The following CACNA1B variants were observed in gnomAD, a reference collection of about 807,000 sequenced individuals.
CACNA1B encodes the protein voltage-dependent N-type calcium channel subunit alpha-1B.
In CACNA1B, 70 loss-of-function variants were observed where a neutral mutation model predicts 247.2. The ratio of observed to expected loss-of-function variants is 0.28; its 90% CI spans 0.23 to 0.35. The LOEUF (loss-of-function observed/expected upper bound fraction) is 0.35, where lower values mean the gene tolerates loss of function less well. Among genes scored for constraint, CACNA1B ranks in the 10% least tolerant of loss-of-function variants. The pLI is 1.00. For missense variants in CACNA1B, 2,367 were observed against 3,197.4 expected, an observed-to-expected ratio of 0.74 and a Z score of 6.26; for synonymous variants, 1,231 against 1,294.4, an observed-to-expected ratio of 0.95 and a Z score of 1.05.
rs1958177715 is a variant in CACNA1B, at chr9:137,973,241, T to A, written c.1543+1649T>A. 6.6e-6 allele frequency among the ~76,000 whole-genome samples: 1 copy of A among 152,190 alleles called. No individual in the cohort carries two copies. Among genetic ancestry groups the A allele is most frequent in the Non-Finnish European group, 1.5e-5 (1 of 68,032 alleles). On this transcript the variant is annotated intron_variant, in intron 11 of 46. Coordinates refer to ENST00000371372, the MANE Select transcript of CACNA1B (RefSeq NM_000718.4). The surrounding 1 kb of genome is among the most constrained non-coding windows in gnomAD (Gnocchi z 4.1). Reference sequence around the variant, plus strand: ...CTTCTCTGTGGTTTCCTGGAGTTCCTGGCTTCATTGTGTCACTGAGGGAAA... The same window carrying A: ...CTTCTCTGTGGTTTCCTGGAGTTCCAGGCTTCATTGTGTCACTGAGGGAAA...
rs201072373 is a variant in CACNA1B, at chr9:137,914,620, C to T, written c.623-34C>T. On this transcript the variant is annotated intron_variant, in intron 4 of 46. Coordinates refer to ENST00000371372, the MANE Select transcript of CACNA1B (RefSeq NM_000718.4). The surrounding 1 kb of genome is among the most constrained non-coding windows in gnomAD (Gnocchi z 4.3). The stretch of plus-strand genomic sequence containing the variant: ...CAAATTCCTTGCCCTACCCTGCCCA[C>T]GTTGCTTCCTGACCTGCCCTGTTCT... 2.1e-5 allele frequency: 33 copies of T among 1,602,014 alleles called. No individual in the cohort carries two copies. Among genetic ancestry groups the T allele is most frequent in the Middle Eastern group, 1.7e-4 (1 of 6,002 alleles).
intron 20 of CACNA1B, among the ~76,000 whole-genome samples, chr9:138,035,461 CAAA>C (rs1174010067): frequency 6.7e-6 from 1 of 149,750 alleles, no homozygotes; most frequent in Non-Finnish European, 1.5e-5. Flanking sequence ...GAGACTGTCT[CAAA>C]AAAAAAGAAA....
Position 137,986,264 on chromosome 9 carries a change from G to A in CACNA1B, c.1770-149G>A, listed in dbSNP as rs1371552077. ...GAGAGAAGTCCAGGGTAGTGGGCCT[G>A]AAACTCCAGAGAAAAGCTCTAACTT... On this transcript the variant is annotated intron_variant, in intron 13 of 46. Transcript: ENST00000371372. The surrounding 1 kb of genome is among the most constrained non-coding windows in gnomAD (Gnocchi z 6.0). The A allele has an allele frequency of 4.6e-6, 4 of 860,526 alleles. No individual in the cohort carries two copies. Among genetic ancestry groups the A allele is most frequent in the Admixed American group, 2.7e-5 (1 of 36,486 alleles). 53.3% of individuals were successfully genotyped at this position (860,526 alleles called of 1,614,324 possible).
In CACNA1B at chr9:138,050,623, G is replaced by A. The variant is rs760374331; in HGVS notation, c.3710+1308G>A. On this transcript the variant is annotated intron_variant, in intron 24 of 46. Transcript: ENST00000371372. This position sits in a 1 kb window ranked among gnomAD's most constrained non-coding sequence, Gnocchi z 5.2. The stretch of plus-strand genomic sequence containing the variant: ...CAGGGGTCCCCCAGTCAGGAGGAGG[G>A]GAAGGGGTTGGGCCCATCCAGGCGG... Among the ~76,000 whole-genome samples the A allele has an allele frequency of 3.2e-4, 49 of 152,238 alleles. No homozygotes were observed. Among genetic ancestry groups the A allele is most frequent in the Non-Finnish European group, 5.4e-4 (37 of 68,034 alleles).
chr9:138,075,638 A>G (rs1371155043), intron 34 of CACNA1B, among the ~76,000 whole-genome samples, 181 bp from the exon 35 acceptor site: 1 of 152,172 alleles, frequency 6.6e-6, no homozygotes, highest in East Asian at 1.9e-4. Flanking sequence ...GTAGCTACGG[A>G]GAGGGCGTCT....
At chr9:137,988,766 C>G (rs1391004337) in intron 15 of CACNA1B, among the ~76,000 whole-genome samples, 2 of 152,054 alleles carry the variant, frequency 1.3e-5, no homozygotes, top group East Asian at 3.9e-4. Flanking sequence ...GGCTCAGCCC[C>G]CTCTGAGCAC....
chr9:137,892,020 C>T (rs1421628468), intron 3 of CACNA1B: 2 of 457,188 alleles, frequency 4.4e-6, no homozygotes, highest in Non-Finnish European at 4.4e-6. Flanking sequence ...CCTCCTCACT[C>T]AGTGTGCGGC....
rs375412976 is a variant in CACNA1B, at chr9:138,025,083, G to T, written c.3197G>T (p.Arg1066Leu). The change falls in exon 20 of 47, where the codon CGC (arginine) becomes CTC (leucine). Residue 1066 changes from arginine to leucine, a missense_variant. Physicochemically the swap from Arg to Leu is moderately radical, Grantham distance 102 (BLOSUM62 -2). This residue lies in a region of CACNA1B where 631 missense variants were observed against 631.1 expected (regional missense o/e 1.00). Transcript: ENST00000371372. ...EDADNQRNVTRMGSQPPDPNT... is the reference protein window; with the variant it reads ...EDADNQRNVTLMGSQPPDPNT... ...GCAGACAATCAGCGGAACGTCACTC[G>T]CATGGGCAGTCAGCCCCCAGACCCG... 1.2e-6 allele frequency: 2 copies of T among 1,613,092 alleles called. No homozygotes were observed. Among genetic ancestry groups the T allele is most frequent in the Non-Finnish European group, 1.7e-6 (2 of 1,179,484 alleles).
chr9:137,882,392 C>T lies in CACNA1B; in HGVS notation c.391-352C>T, dbSNP rs996074492. Reference sequence around the variant, plus strand: ...AGTACTGTTACATCACTGTCTTCCCCGAAGCAAGGCCCACTGCATGGTGCT... The same window carrying T: ...AGTACTGTTACATCACTGTCTTCCCTGAAGCAAGGCCCACTGCATGGTGCT... On this transcript the variant is annotated intron_variant, in intron 2 of 46. Coordinates refer to ENST00000371372, the MANE Select transcript of CACNA1B (RefSeq NM_000718.4). This position sits in a 1 kb window ranked among gnomAD's most constrained non-coding sequence, Gnocchi z 4.0. 3.3e-5 allele frequency among the ~76,000 whole-genome samples: 5 copies of T among 152,168 alleles called. No individual in the cohort carries two copies. Among genetic ancestry groups the T allele is most frequent in the African/African-American group, 1.2e-4 (5 of 41,434 alleles).
At chr9:138,003,732 T>C (rs1387569405) in intron 15 of CACNA1B, among the ~76,000 whole-genome samples, 4 of 149,980 alleles carry the variant, frequency 2.7e-5, no homozygotes, top group South Asian at 4.2e-4. Flanking sequence ...ACAGAAGAGA[T>C]CTAAGGGCCC....
intron 20 of CACNA1B, among the ~76,000 whole-genome samples, chr9:138,033,753 C>T (rs1959011404): frequency 6.6e-6 from 1 of 152,278 alleles, no homozygotes; most frequent in Non-Finnish European, 1.5e-5. Context: ...GAGCGCAAGA[C>T]ACTTAATAAG....
intron 31 of CACNA1B, among the ~76,000 whole-genome samples, chr9:138,069,241 A>G (rs1960036596): frequency 1.3e-5 from 2 of 152,084 alleles, no homozygotes; most frequent in South Asian, 4.1e-4. Flanking sequence ...TTTTTTTCTT[A>G]GGCAAAAATA....
At chr9:137,960,970 G>GT (rs769241873) in intron 10 of CACNA1B, among the ~76,000 whole-genome samples, 114 of 151,636 alleles carry the variant, frequency 7.5e-4, no homozygotes, top group Admixed American at 1.8e-3. Flanking sequence ...AGTAACGTTG[G>GT]TTTTTTTTCA....
intron 15 of CACNA1B, among the ~76,000 whole-genome samples, chr9:138,002,886 C>T (rs372909643): frequency 2.0e-5 from 3 of 150,970 alleles, no homozygotes; most frequent in Non-Finnish European, 3.0e-5. Flanking sequence ...CTGTAACCTC[C>T]GCCTCCCGGG....
intron 6 of CACNA1B, among the ~76,000 whole-genome samples, chr9:137,943,669 T>C (rs1464554053): frequency 6.6e-6 from 1 of 152,156 alleles, no homozygotes; most frequent in African/African-American, 2.4e-5. Context: ...TTGCTTCTAG[T>C]GAACAAGGGC....
At chr9:137,999,146 G>GT (rs1370198588) in intron 15 of CACNA1B, among the ~76,000 whole-genome samples, 3 of 152,016 alleles carry the variant, frequency 2.0e-5, no homozygotes, top group African/African-American at 7.3e-5. Context: ...GCGAGACCCC[G>GT]TATCTACTGA....
rs1958826770 is a variant in CACNA1B, at chr9:138,020,178, C to T, written c.2268-2833C>T. On this transcript the variant is annotated intron_variant, in intron 18 of 46. Coordinates refer to ENST00000371372, the MANE Select transcript of CACNA1B (RefSeq NM_000718.4). The surrounding 1 kb of genome is among the most constrained non-coding windows in gnomAD (Gnocchi z 4.1). ...GGCTGCTTCATATTGTCAGCAGTTC[C>T]GGGTTGTCTGAGCCCAGAGACCTCA... Among the ~76,000 whole-genome samples the T allele has an allele frequency of 6.6e-6, 1 of 151,766 alleles. No individual in the cohort carries two copies. The highest frequency in any genetic ancestry group is 1.5e-5 in the Non-Finnish European group (1 of 67,986).
chr9:138,036,264 C>G (rs1000173910), intron 20 of CACNA1B, among the ~76,000 whole-genome samples: 5 of 152,128 alleles, frequency 3.3e-5, no homozygotes, highest in Admixed American at 3.3e-4. Context: ...CTCAGCCTCC[C>G]GAGTAGCTGG....
rs57138546 is a variant in CACNA1B, at chr9:138,087,713, C to CAAAAAAA, written c.5095-8751_5095-8745dup. Among the ~76,000 whole-genome samples, 5 of 35,458 alleles carry CAAAAAAA rather than the reference C, an allele frequency of 1.4e-4. No individual in the cohort carries two copies. In the East Asian group the frequency reaches 2.9e-3, roughly 21 times the overall value. The allele number at this position is 35,458 out of a possible 152,430, so 23.3% of individuals were successfully genotyped here. ...CTGGTGACAGAGTGAGACTCCGTCT[C>CAAAAAAA]AAAAAAAAAAAAAAAAAAAAAAAAA... On this transcript the variant is annotated intron_variant, in intron 36 of 46. Transcript: ENST00000371372.
Sources: allele counts gnomAD v4.1 joint callset (sites outside exome capture counted in the v4.1 genomes callset), GRCh38; gene constraint gnomAD v4.1.1; regional missense constraint gnomAD v4.1.1; non-coding constraint Gnocchi (gnomAD v3.1); transcripts MANE v1.5; gene names NCBI Gene and HGNC (gene_info 2026-07-23, HGNC 2026-07-21).